Variants in OSBP2 observed in about 807,000 individuals in gnomAD.
OSBP2 encodes oxysterol-binding protein 2.
A neutral mutation model predicts 96.0 loss-of-function variants in OSBP2; 66 were observed. The observed-to-expected ratio is 0.69, with a 90% confidence interval of 0.56 to 0.84. The LOEUF (loss-of-function observed/expected upper bound fraction) is 0.84, where lower values mean the gene tolerates loss of function less well. OSBP2 is among the 40% of genes least tolerant of loss of function. The pLI, the probability that OSBP2 is intolerant of heterozygous loss-of-function variation, is 0.00. For synonymous variants in OSBP2, 525 were observed against 520.9 expected (o/e 1.01, Z -0.11); for missense variants, 1,038 against 1,222.7 (o/e 0.85, Z 2.25).
At chr22:30,809,451 G>C (rs890281840) in intron 2 of OSBP2, among the ~76,000 whole-genome samples, 1 of 152,188 alleles carries the variant, frequency 6.6e-6, no homozygotes, top group Admixed American at 6.5e-5. Context: ...AGTCTCCTTG[G>C]GGGAGGGAAG....
Position 30,890,618 on chromosome 22 carries a change from T to C in OSBP2, c.1624-110T>C, listed in dbSNP as rs1021324618. The C allele has an allele frequency of 3.6e-5, 45 of 1,240,792 alleles. No individual in the cohort carries two copies. Among genetic ancestry groups the C allele is most frequent in the Middle Eastern group, 4.5e-4 (2 of 4,444 alleles). 76.9% of individuals were successfully genotyped at this position (1,240,792 alleles called of 1,614,324 possible). A position where few individuals can be genotyped will look rare whatever the true frequency, so the allele number is the denominator to read the frequency against. On this transcript the variant is annotated intron_variant, in intron 7 of 13. Transcript: ENST00000332585. The surrounding 1 kb of genome is among the most constrained non-coding windows in gnomAD (Gnocchi z 4.4). ...GACAGGGCCATCTGAGGAGCCTCAC[T>C]GTGAAGGTGCTGTCTGAGCAGGGAT... is the stretch of plus-strand genomic sequence containing the variant.
At chr22:30,900,275 C>T (rs1216068897) in intron 12 of OSBP2, among the ~76,000 whole-genome samples, 7 of 150,204 alleles carry the variant, frequency 4.7e-5, no homozygotes, top group Admixed American at 3.3e-4. Flanking sequence ...AAAAAATTAA[C>T]AGCATATAAC....
At chr22:30,884,561 G>A (rs549945045) in intron 3 of OSBP2, among the ~76,000 whole-genome samples, 13 of 152,204 alleles carry the variant, frequency 8.5e-5, no homozygotes, top group Non-Finnish European at 1.8e-4. Flanking sequence ...CACCCTGTGT[G>A]GTGCTTGAGG....
chr22:30,822,657 G>C (rs770172106), intron 2 of OSBP2: 265 of 1,533,668 alleles, frequency 1.7e-4, no homozygotes, highest in Non-Finnish European at 2.3e-4. Flanking sequence ...GCTGGGACAC[G>C]GCCTCCGTGC....
At chr22:30,789,951 G>T (rs2090648750) in intron 2 of OSBP2, among the ~76,000 whole-genome samples, 1 of 152,146 alleles carries the variant, frequency 6.6e-6, no homozygotes, top group Non-Finnish European at 1.5e-5. Context: ...GTGAATCTCG[G>T]TGAAAACATG....
intron 2 of OSBP2, among the ~76,000 whole-genome samples, chr22:30,746,485 CTTTTTTT>C (rs34500140): frequency 9.8e-6 from 1 of 101,530 alleles, no homozygotes; most frequent in Non-Finnish European, 1.8e-5. Flanking sequence ...GGATGAAACA[CTTTTTTT>C]TTTTTTTTTT....
At chr22:30,863,963 T>G (rs746414397) in intron 2 of OSBP2, among the ~76,000 whole-genome samples, 17 of 72,210 alleles carry the variant, frequency 2.4e-4, no homozygotes, top group African/African-American at 3.3e-4. Context: ...AGCCATCATG[T>G]TTTTTTTTTG....
Position 30,907,267 on chromosome 22 carries a change from C to T in OSBP2, c.*928C>T, listed in dbSNP as rs749269918. On this transcript the variant is annotated 3_prime_UTR_variant, in exon 14 of 14. Coordinates refer to ENST00000332585, the MANE Select transcript of OSBP2 (RefSeq NM_030758.4). Reference sequence around the variant, plus strand: ...TGCATCCCTCCTCATCCTAGGAGGCCCCTAGGGGTGCCCCATCTCAGTGTC... The same window carrying T: ...TGCATCCCTCCTCATCCTAGGAGGCTCCTAGGGGTGCCCCATCTCAGTGTC... 2.4e-4 allele frequency: 36 copies of T among 152,486 alleles called. No homozygotes were observed. Among genetic ancestry groups the T allele is most frequent in the Non-Finnish European group, 7.4e-5 (5 of 68,020 alleles). The allele number at this position is 152,486 out of a possible 1,614,324, so 9.4% of individuals were successfully genotyped here.
At chr22:30,794,521 T>C (rs1215285823) in intron 2 of OSBP2, among the ~76,000 whole-genome samples, 1 of 152,028 alleles carries the variant, frequency 6.6e-6, no homozygotes, top group Non-Finnish European at 1.5e-5. Context: ...CGCCTCAGCC[T>C]CCCAAAGTGC....
chr22:30,782,306 C>T (rs2090528530), intron 2 of OSBP2, among the ~76,000 whole-genome samples: 1 of 152,182 alleles, frequency 6.6e-6, no homozygotes, highest in South Asian at 2.1e-4. Flanking sequence ...TCCTCCTCAG[C>T]CCCTTCCACC....
intron 1 of OSBP2, among the ~76,000 whole-genome samples, chr22:30,697,612 G>A (rs1331181136): frequency 1.3e-5 from 2 of 152,190 alleles, no homozygotes; most frequent in African/African-American, 4.8e-5. Context: ...GATTCTCTGG[G>A]TAACTAAGAA....
intron 1 of OSBP2, among the ~76,000 whole-genome samples, chr22:30,714,474 G>A (rs546440195): frequency 7.3e-4 from 111 of 151,740 alleles, no homozygotes; most frequent in African/African-American, 2.6e-3. Flanking sequence ...ATTTTTAAGT[G>A]TACAGTTCAG....
chr22:30,905,134 C>CTTT (rs566334052), intron 12 of OSBP2, among the ~76,000 whole-genome samples: 695 of 68,714 alleles, frequency 0.01, 62 homozygotes, highest in Non-Finnish European at 0.012. Context: ...CGAGACCCGT[C>CTTT]TTTTTTTTTT....
At chr22:30,767,138 C>CAAAAAAAA (rs1156950666) in intron 2 of OSBP2, among the ~76,000 whole-genome samples, 48 of 78,442 alleles carry the variant, frequency 6.1e-4, no homozygotes, top group African/African-American at 1.4e-3. Flanking sequence ...ACTAAAAATA[C>CAAAAAAAA]AAAAAAAAAA....
chr22:30,786,018 T>TTGTGTGTGTGTGTGTG (rs59686538), intron 2 of OSBP2, among the ~76,000 whole-genome samples: 17 of 148,998 alleles, frequency 1.1e-4, no homozygotes, highest in African/African-American at 3.7e-4. Flanking sequence ...CTAATACAGT[T>TTGTGTGTGTGTGTGTG]TGTGTGTGTG....
At chr22:30,887,386 C>T in intron 3 of OSBP2, 40 bp from the exon 4 acceptor site, 1 of 1,571,648 alleles carries the variant, frequency 6.4e-7, no homozygotes, top group Non-Finnish European at 8.7e-7. Flanking sequence ...GGGCCCCTGC[C>T]AGAGGCCAGG....
chr22:30,791,616 C>A (rs561876070), intron 2 of OSBP2, among the ~76,000 whole-genome samples: 1 of 152,040 alleles, frequency 6.6e-6, no homozygotes, highest in Non-Finnish European at 1.5e-5. Flanking sequence ...CGAGAGCCAC[C>A]GTGCCCCGCT....
intron 2 of OSBP2, chr22:30,822,721 C>G: frequency 6.6e-7 from 1 of 1,519,226 alleles, no homozygotes; most frequent in Non-Finnish European, 8.8e-7. Context: ...TTAGTGCTTG[C>G]CGGGCTTCCA....
intron 3 of OSBP2, among the ~76,000 whole-genome samples, chr22:30,876,449 C>A (rs575369763): frequency 3.3e-5 from 5 of 152,366 alleles, no homozygotes; most frequent in African/African-American, 1.2e-4. Context: ...CCTTGCCGTC[C>A]CCCTCAGGGA....
Sources: gnomAD v4.1 joint callset for allele counts (sites outside exome capture counted in the v4.1 genomes callset) on GRCh38, gnomAD v4.1.1 for gene constraint, Gnocchi (gnomAD v3.1) non-coding constraint, MANE v1.5 for transcripts, NCBI Gene and HGNC (gene_info 2026-07-23, HGNC 2026-07-21) for gene names.